C8orf34: variants seen among roughly 807,000 people sequenced by gnomAD.
The protein encoded by C8orf34 is uncharacterized protein C8orf34.
A neutral mutation model predicts 68.3 loss-of-function variants in C8orf34; 65 were observed. The observed-to-expected ratio is 0.95, with a 90% CI of 0.78 to 1.17. The LOEUF (loss-of-function observed/expected upper bound fraction) is 1.17, where lower values mean the gene tolerates loss of function less well. C8orf34 is among the 50% of genes most tolerant of loss of function. The pLI, the probability that C8orf34 is intolerant of heterozygous loss-of-function variation, is 0.00. For missense variants in C8orf34, 664 were observed against 655.4 expected (o/e 1.01, Z -0.14); for synonymous variants, 244 against 241.2 (o/e 1.01, Z -0.11).
intron 7 of C8orf34, among the ~76,000 whole-genome samples, chr8:68,589,621 AAGAAAG>A (rs1434321430): frequency 7.1e-6 from 1 of 141,388 alleles, no homozygotes; most frequent in Non-Finnish European, 1.5e-5. Context: ...AGGAGAGAAG[AAGAAAG>A]AAGGAGGAGA....
At chr8:68,731,991 T>A (rs1415728907) in intron 10 of C8orf34, among the ~76,000 whole-genome samples, 1 of 152,236 alleles carries the variant, frequency 6.6e-6, no homozygotes, top group African/African-American at 2.4e-5. Context: ...TATTCTGGGT[T>A]CACTGTGTAC....
intron 2 of C8orf34, among the ~76,000 whole-genome samples, 182 bp downstream of exon 2, chr8:68,439,828 T>C (rs573359259): frequency 7.9e-5 from 12 of 152,322 alleles, no homozygotes; most frequent in African/African-American, 2.9e-4. Flanking sequence ...TATATCGTAA[T>C]GTATTATGTC....
chr8:68,610,861 G>GTTTTTTTTTTTTTTTTTTTTTT (rs60113883), intron 7 of C8orf34, among the ~76,000 whole-genome samples: 1 of 120,476 alleles, frequency 8.3e-6, no homozygotes. Flanking sequence ...TGAATCTTTG[G>GTTTTTTTTTTTTTTTTTTTTTT]TTTTTTTTTT....
At chr8:68,715,074 T>C (rs1479521133) in intron 9 of C8orf34, among the ~76,000 whole-genome samples, 1 of 152,162 alleles carries the variant, frequency 6.6e-6, no homozygotes, top group African/African-American at 2.4e-5. Flanking sequence ...GCAAGCCACA[T>C]GTAGAAGAAT....
intron 1 of C8orf34, among the ~76,000 whole-genome samples, chr8:68,424,487 C>T (rs1420369054): frequency 6.6e-6 from 1 of 151,974 alleles, no homozygotes; most frequent in Non-Finnish European, 1.5e-5. Context: ...TCAACAAAAA[C>T]CAGTATCAAG....
At chr8:68,446,592 C>T in intron 3 of C8orf34, 132 bp downstream of exon 3, 1 of 886,312 alleles carries the variant, frequency 1.1e-6, no homozygotes. Flanking sequence ...GTGAATTTCA[C>T]TTTTACTCCG....
At chr8:68,774,972 C>G (rs1243199103) in intron 10 of C8orf34, among the ~76,000 whole-genome samples, 1 of 80,752 alleles carries the variant, frequency 1.2e-5, no homozygotes, top group South Asian at 3.2e-4. Context: ...AAAAAATTAG[C>G]TGGGCGGGGT....
chr8:68,489,506 T>C (rs781364247), intron 5 of C8orf34, among the ~76,000 whole-genome samples: 1 of 152,234 alleles, frequency 6.6e-6, no homozygotes, highest in African/African-American at 2.4e-5. Flanking sequence ...AATTCATTTG[T>C]GTTTCATATA....
At chr8:68,346,020 A>T in intron 1 of C8orf34, among the ~76,000 whole-genome samples, 1 of 152,112 alleles carries the variant, frequency 6.6e-6, no homozygotes, top group Non-Finnish European at 1.5e-5. Flanking sequence ...TGTCCCCCAC[A>T]TCTATGTTAA....
chr8:68,811,933 T>G (rs1824663881), intron 12 of C8orf34, among the ~76,000 whole-genome samples: 1 of 152,138 alleles, frequency 6.6e-6, no homozygotes, highest in South Asian at 2.1e-4. Flanking sequence ...CACTCCGAAA[T>G]TTCACTGTGT....
chr8:68,457,575 C>T (rs1811606122), intron 3 of C8orf34, among the ~76,000 whole-genome samples: 1 of 152,048 alleles, frequency 6.6e-6, no homozygotes, highest in Admixed American at 6.6e-5. Context: ...CTCATAAAAA[C>T]GATTGGTGGA....
intron 10 of C8orf34, among the ~76,000 whole-genome samples, chr8:68,772,822 C>T (rs898036928): frequency 3.5e-5 from 5 of 144,534 alleles, no homozygotes; most frequent in Non-Finnish European, 6.0e-5. Context: ...TTCTTTCTGT[C>T]TGTCTTTCTT....
chr8:68,354,725 C>A (rs1349014597), intron 1 of C8orf34, among the ~76,000 whole-genome samples: 1 of 152,036 alleles, frequency 6.6e-6, no homozygotes, highest in Non-Finnish European at 1.5e-5. Context: ...TGTGTGATTA[C>A]CAGGTATCTG....
intron 12 of C8orf34, among the ~76,000 whole-genome samples, chr8:68,790,635 A>ATT (rs34656509): frequency 9.9e-5 from 15 of 151,888 alleles, no homozygotes; most frequent in Non-Finnish European, 2.1e-4. Flanking sequence ...GATTAAATAG[A>ATT]TTTTTTTCTT....
rs926343597 is a variant in C8orf34, at chr8:68,607,120, C to A, written c.1106-33256C>A. Among the ~76,000 whole-genome samples the A allele has an allele frequency of 7.2e-5, 11 of 152,200 alleles. No homozygotes were observed. The East Asian group carries it at 1.7e-3, about 24-fold the overall frequency. The stretch of plus-strand genomic sequence containing the variant: ...GCCAACAGCTGAAGGTATCCCGAGG[C>A]TAGTCTCCTAAGGCTTTGTTCATCG... On this transcript the variant is annotated intron_variant, in intron 7 of 13. Transcript: ENST00000518698.
rs566833765 is a variant in C8orf34, at chr8:68,419,821, A to C, written c.328-19678A>C. On this transcript the variant is annotated intron_variant, in intron 1 of 13. Transcript: ENST00000518698. Reference sequence around the variant, plus strand: ...GGAAGGGGAACATCACACTCTGGGGACTGTTGTGGGGTGGGGGAAGGGGGG... The same window carrying C: ...GGAAGGGGAACATCACACTCTGGGGCCTGTTGTGGGGTGGGGGAAGGGGGG... Among the ~76,000 whole-genome samples, 723 of 105,500 alleles carry C rather than the reference A, an allele frequency of 6.9e-3. 5 individuals are homozygous for C. The highest frequency in any genetic ancestry group is 0.031 in the Middle Eastern group (4 of 130). 69.2% of individuals were successfully genotyped at this position (105,500 alleles called of 152,430 possible).
intron 1 of C8orf34, among the ~76,000 whole-genome samples, chr8:68,378,435 T>C (rs1807896768): frequency 6.6e-6 from 1 of 152,156 alleles, no homozygotes; most frequent in South Asian, 2.1e-4. Flanking sequence ...TAGCTGGAAC[T>C]ATAGGCACAT....
At chr8:68,502,066 G>C (rs796642163) in intron 5 of C8orf34, among the ~76,000 whole-genome samples, 5 of 152,158 alleles carry the variant, frequency 3.3e-5, no homozygotes, top group African/African-American at 1.2e-4. Context: ...TTTTTTGTTT[G>C]TTTGATTGTT....
At chr8:68,625,614 A>T (rs775650974) in intron 7 of C8orf34, 8 of 701,974 alleles carry the variant, frequency 1.1e-5, no homozygotes, top group African/African-American at 3.5e-5. Flanking sequence ...ACAGGGAGGC[A>T]ACATCCTGTG....
Sources: gnomAD v4.1 joint callset for allele counts (sites outside exome capture counted in the v4.1 genomes callset) on GRCh38, gnomAD v4.1.1 for gene constraint, MANE v1.5 for transcripts, NCBI Gene and HGNC (gene_info 2026-07-23, HGNC 2026-07-21) for gene names.